TNFAIP2: variants seen among roughly 807,000 people sequenced by gnomAD.
TNFAIP2 encodes the protein tumor necrosis factor alpha-induced protein 2.
In TNFAIP2, 47 loss-of-function variants were observed where a neutral mutation model predicts 63.5. That is an observed-to-expected ratio of 0.74 (90% CI 0.59 to 0.94). TNFAIP2 has a LOEUF of 0.94. Ranked by LOEUF, TNFAIP2 falls within the 40% of genes least tolerant of loss-of-function variation. The pLI is 0.00. For missense variants in TNFAIP2, 787 were observed against 850.2 expected, an observed-to-expected ratio of 0.93 and a Z score of 0.92; for synonymous variants, 405 against 390.2, an observed-to-expected ratio of 1.04 and a Z score of -0.45.
intron 9 of TNFAIP2, 95 bp from the exon 10 acceptor site, chr14:103,133,267 C>T: frequency 6.8e-7 from 1 of 1,473,614 alleles, no homozygotes; most frequent in Non-Finnish European, 9.1e-7. Context: ...CTGGCATCTG[C>T]CTCTCTCTGG....
In TNFAIP2 at chr14:103,127,636, A is replaced by C; in HGVS notation, c.860+7A>C. ...TGCAGAACCTCTACCCCAAGTGAGC[A>C]GACCAGGGGCTGGGCCCGGGCCGGC... On this transcript the variant is annotated splice_region_variant and intron_variant, in intron 3 of 11. Coordinates refer to ENST00000560869, the MANE Select transcript of TNFAIP2 (RefSeq NM_006291.4). The surrounding 1 kb of genome is among the most constrained non-coding windows in gnomAD (Gnocchi z 5.1). The C allele has an allele frequency of 6.8e-7, 1 of 1,475,854 alleles. No homozygotes were observed. The highest frequency in any genetic ancestry group is 9.0e-7 in the Non-Finnish European group (1 of 1,110,902). The allele number at this position is 1,475,854 out of a possible 1,614,324, so 91.4% of individuals were successfully genotyped here. A position where few individuals can be genotyped will look rare whatever the true frequency, so the allele number is the denominator to read the frequency against.
In TNFAIP2 at chr14:103,127,645, G is replaced by A. The variant is rs766525826; in HGVS notation, c.860+16G>A. The A allele has an allele frequency of 6.9e-7, 1 of 1,457,916 alleles. No homozygotes were observed. Among genetic ancestry groups the A allele is most frequent in the East Asian group, 2.5e-5 (1 of 40,434 alleles). 90.3% of individuals were successfully genotyped at this position (1,457,916 alleles called of 1,614,324 possible). On this transcript the variant is annotated intron_variant, in intron 3 of 11. Transcript: ENST00000560869. This position sits in a 1 kb window ranked among gnomAD's most constrained non-coding sequence, Gnocchi z 5.1. The stretch of plus-strand genomic sequence containing the variant: ...TCTACCCCAAGTGAGCAGACCAGGG[G>A]CTGGGCCCGGGCCGGCAGGGAGGGT...
rs763689162 is a variant in TNFAIP2, at chr14:103,126,538, G to A, written c.81G>A (p.Ala27=). 5.1e-6 allele frequency: 8 copies of A among 1,569,720 alleles called. No homozygotes were observed. The highest frequency in any genetic ancestry group is 5.2e-6 in the Non-Finnish European group (6 of 1,157,566). Residue 27 remains alanine (A), a synonymous_variant, in exon 2 of 12, where the codon GCG becomes GCA. Transcript: ENST00000560869. ...CATATAGGGAGGAGGAAGAGGCGGC[G>A]AAGAAGAAGAAGGAGAAGAAGAAGA... is the stretch of plus-strand genomic sequence containing the variant. ...AAPYREEEEA[A]KKKKEKKKKS... is the part of the protein sequence containing the mutation.
intron 10 of TNFAIP2, 69 bp downstream of exon 10, chr14:103,133,586 G>A: frequency 6.3e-7 from 1 of 1,584,474 alleles, no homozygotes; most frequent in Non-Finnish European, 8.6e-7. Context: ...CCCTTTCAGG[G>A]TCGGAGATAG....
chr14:103,127,683 A>G lies in TNFAIP2; in HGVS notation c.860+54A>G, dbSNP rs998836583. On this transcript the variant is annotated intron_variant, in intron 3 of 11. Transcript: ENST00000560869. This position sits in a 1 kb window ranked among gnomAD's most constrained non-coding sequence, Gnocchi z 5.1. ...CGGCAGGGAGGGTGTCCTCTGTAGG[A>G]GGGGTGTCGAGGGGTGTCGAGGTGT... 12 of 1,394,566 alleles carry G rather than the reference A, an allele frequency of 8.6e-6. No homozygotes were observed. The South Asian group carries it at 9.5e-5, about 11-fold the overall frequency. 86.4% of individuals were successfully genotyped at this position (1,394,566 alleles called of 1,614,324 possible). A position where few individuals can be genotyped will look rare whatever the true frequency, so the allele number is the denominator to read the frequency against.
Position 103,135,266 on chromosome 14 carries a change from ACAGTGAGGTCAAGCGCATCCGGAG to A in TNFAIP2, c.1874_1897del (p.Ser625_Ser632del). 6.2e-7 allele frequency: 1 copy of A among 1,614,048 alleles called. No homozygotes were observed. Among genetic ancestry groups the A allele is most frequent in the Non-Finnish European group, 8.5e-7 (1 of 1,180,014 alleles). On this transcript the variant is annotated inframe_deletion, in exon 12 of 12. Coordinates refer to ENST00000560869, the MANE Select transcript of TNFAIP2 (RefSeq NM_006291.4). This position sits in a 1 kb window ranked among gnomAD's most constrained non-coding sequence, Gnocchi z 7.6. The stretch of plus-strand genomic sequence containing the variant: ...CTGGCCATCAAGGGGAACCTATCCA[ACAGTGAGGTCAAGCGCATCCGGAG>A]CATCTTGGACGTCAGCATGGGGGCG...
rs1595275892 is a variant in TNFAIP2, at chr14:103,126,537, C to T, written c.80C>T (p.Ala27Val). The T allele has an allele frequency of 1.3e-6, 2 of 1,575,184 alleles. No individual in the cohort carries two copies. The highest frequency in any genetic ancestry group is 1.7e-6 in the Non-Finnish European group (2 of 1,160,712). ...CCATATAGGGAGGAGGAAGAGGCGGCGAAGAAGAAGAAGGAGAAGAAGAAG... is the reference window on the plus strand; with the variant it reads ...CCATATAGGGAGGAGGAAGAGGCGGTGAAGAAGAAGAAGGAGAAGAAGAAG... Reference protein sequence around the residue: ...AAPYREEEEAAKKKKEKKKKS... With the variant: ...AAPYREEEEAVKKKKEKKKKS... The change falls in exon 2 of 12, where the codon GCG becomes GTG. Residue 27 changes from alanine to valine, a missense_variant. Ala to Val is a moderately conservative substitution (Grantham distance 64). Coordinates refer to ENST00000560869, the MANE Select transcript of TNFAIP2 (RefSeq NM_006291.4).
Position 103,127,830 on chromosome 14 carries a change from A to G in TNFAIP2, c.860+201A>G, listed in dbSNP as rs1012610430. Among the ~76,000 whole-genome samples, 2 of 152,136 alleles carry G rather than the reference A, an allele frequency of 1.3e-5. No homozygotes were observed. The highest frequency in any genetic ancestry group is 4.8e-5 in the African/African-American group (2 of 41,420). ...GCAGAGACTGGGCCTGGACACAGGG[A>G]TAAGGCTGGGGCTGGGTCTGCGTTG... On this transcript the variant is annotated intron_variant, in intron 3 of 11. Transcript: ENST00000560869. The surrounding 1 kb of genome is among the most constrained non-coding windows in gnomAD (Gnocchi z 5.1).
rs2234127 is a variant in TNFAIP2, at chr14:103,126,189, C to T, written c.-148-121C>T. 4.7e-3 allele frequency: 1,397 copies of T among 299,690 alleles called. 16 individuals are homozygous for T. The highest frequency in any genetic ancestry group is 0.028 in the African/African-American group (1,290 of 46,024). 18.6% of individuals were successfully genotyped at this position (299,690 alleles called of 1,614,324 possible). A position where few individuals can be genotyped will look rare whatever the true frequency, so the allele number is the denominator to read the frequency against. ...CTGGGCCAGGAGATGAGCAGAGCCC[C>T]GGTGGCTGAATGGGTGAAACAGACT... On this transcript the variant is annotated intron_variant, in intron 1 of 11. Coordinates refer to ENST00000560869, the MANE Select transcript of TNFAIP2 (RefSeq NM_006291.4).
At chr14:103,128,966 G>A (rs1196119703) in intron 3 of TNFAIP2, among the ~76,000 whole-genome samples, 1 of 152,218 alleles carries the variant, frequency 6.6e-6, no homozygotes, top group African/African-American at 2.4e-5. Flanking sequence ...TGTGGGGAAC[G>A]GAGGGACACA....
At position 103,133,369 on chromosome 14, in the gene TNFAIP2, T is replaced by A; in HGVS notation, c.1553T>A (p.Met518Lys). The stretch of plus-strand genomic sequence containing the variant: ...GGCTGCTTGCCCTCCCAGGAGCTCA[T>A]GGAGGCCTTGCACCTGCACCTGGTG... Reference protein sequence around the residue: ...ELQGCFREELMEALHLHLVKE... With the variant: ...ELQGCFREELKEALHLHLVKE... Residue 518 changes from methionine to lysine, a missense_variant, in exon 10 of 12, where the codon ATG (methionine) becomes AAG (lysine). Coordinates refer to ENST00000560869, the MANE Select transcript of TNFAIP2 (RefSeq NM_006291.4). The A allele has an allele frequency of 6.2e-7, 1 of 1,613,478 alleles. No homozygotes were observed. Among genetic ancestry groups the A allele is most frequent in the Non-Finnish European group, 8.5e-7 (1 of 1,179,938 alleles).
upstream of TNFAIP2, chr14:103,122,697 C>T (rs1174402532): frequency 2.2e-6 from 1 of 456,076 alleles, no homozygotes; most frequent in Admixed American, 2.3e-5. Context: ...CAGACGAGGC[C>T]CTGGAGTCTG....
rs1443247334 is a variant in TNFAIP2, at chr14:103,126,462, C to A, written c.5C>A (p.Ser2Ter). 1.3e-6 allele frequency: 2 copies of A among 1,584,850 alleles called. No homozygotes were observed. The highest frequency in any genetic ancestry group is 2.3e-5 in the South Asian group (2 of 86,940). The change falls in exon 2 of 12, where the codon TCG (serine) becomes TAG (stop). Residue 2 changes from serine to a stop codon, truncating the protein, a stop_gained. Coordinates refer to ENST00000560869, the MANE Select transcript of TNFAIP2 (RefSeq NM_006291.4). LOFTEE classifies it high-confidence loss of function. Reference sequence around the variant, plus strand: ...GAGGCAGAGTCAGAGGCCTCCATGTCGGAGGCCTCCTCTGAGGACCTGGTG... The same window carrying A: ...GAGGCAGAGTCAGAGGCCTCCATGTAGGAGGCCTCCTCTGAGGACCTGGTG... M[S>*]EASSEDLVPP...
upstream of TNFAIP2, chr14:103,122,893 A>G (rs1891165365): frequency 2.2e-6 from 1 of 452,500 alleles, no homozygotes; most frequent in South Asian, 1.6e-5. Context: ...GCAAGGCTTG[A>G]CGACCGGAGG....
chr14:103,135,117 G>A lies in TNFAIP2; in HGVS notation c.1824-102G>A. 6.8e-7 allele frequency: 1 copy of A among 1,463,078 alleles called. No individual in the cohort carries two copies. The highest frequency in any genetic ancestry group is 9.5e-7 in the Non-Finnish European group (1 of 1,048,434). The allele number at this position is 1,463,078 out of a possible 1,614,324, so 90.6% of individuals were successfully genotyped here. On this transcript the variant is annotated intron_variant, in intron 11 of 11. Transcript: ENST00000560869. This position sits in a 1 kb window ranked among gnomAD's most constrained non-coding sequence, Gnocchi z 7.6. ...TGAAGTGCAGCCCCCTCGTGGGCCG[G>A]GCGTTGGCTGTCGGGCCCTGTGGCA...
chr14:103,133,948 C>T (rs2088043879), intron 11 of TNFAIP2, 145 bp downstream of exon 11: 1 of 1,042,918 alleles, frequency 9.6e-7, no homozygotes, highest in South Asian at 1.8e-5. Flanking sequence ...TTGTGGCCTT[C>T]ACCACAGCAC....
Position 103,131,152 on chromosome 14 carries a change from TGA to T in TNFAIP2, c.1298+6_1298+7del, listed in dbSNP as rs776379873. ...CATCAACAACTGCCTGTCCTTCCGG[TGA>T]GAGTGTTGGGAGGGGCTTGCGGGAG... On this transcript the variant is annotated splice_donor_region_variant and intron_variant, in intron 7 of 11. Coordinates refer to ENST00000560869, the MANE Select transcript of TNFAIP2 (RefSeq NM_006291.4). This position sits in a 1 kb window ranked among gnomAD's most constrained non-coding sequence, Gnocchi z 4.0. The T allele has an allele frequency of 6.2e-7, 1 of 1,613,718 alleles. No homozygotes were observed.
In TNFAIP2 at chr14:103,135,480, A is replaced by C. The variant is rs1394080220; in HGVS notation, c.*120A>C. On this transcript the variant is annotated 3_prime_UTR_variant, in exon 12 of 12. Coordinates refer to ENST00000560869, the MANE Select transcript of TNFAIP2 (RefSeq NM_006291.4). This position sits in a 1 kb window ranked among gnomAD's most constrained non-coding sequence, Gnocchi z 7.6. ...CCCGGGTCTCCTGTGCTCTGATGCT[A>C]CTTCTGCCTAGCCCTGGCGGAGGTG... 2.0e-6 allele frequency: 3 copies of C among 1,502,906 alleles called. No individual in the cohort carries two copies. Among genetic ancestry groups the C allele is most frequent in the Non-Finnish European group, 2.6e-6 (3 of 1,135,508 alleles). The allele number at this position is 1,502,906 out of a possible 1,614,324, so 93.1% of individuals were successfully genotyped here.
chr14:103,133,069 AACAC>A (rs763676723), intron 9 of TNFAIP2, among the ~76,000 whole-genome samples, 197 bp downstream of exon 9: 2 of 152,320 alleles, frequency 1.3e-5, no homozygotes, highest in African/African-American at 2.4e-5. Flanking sequence ...CGAGCATGTG[AACAC>A]ACACATGTGA....
Sources: gnomAD v4.1 joint callset for allele counts (sites outside exome capture counted in the v4.1 genomes callset) on GRCh38, gnomAD v4.1.1 for gene constraint, Gnocchi (gnomAD v3.1) non-coding constraint, MANE v1.5 for transcripts, NCBI Gene and HGNC (gene_info 2026-07-23, HGNC 2026-07-21) for gene names.